The following NAMPT variants were observed in gnomAD, a reference collection of about 807,000 sequenced individuals.
NAMPT encodes the protein NAmPRTase.
NAMPT carries 7 observed loss-of-function variants against 58.7 expected under a neutral mutation model. That is an observed-to-expected ratio of 0.12 (90% confidence interval 0.07 to 0.22). NAMPT has a LOEUF of 0.22. NAMPT is among the 10% of genes least tolerant of loss of function. The pLI is 1.00. For synonymous variants in NAMPT, 145 were observed against 198.1 expected (o/e 0.73, Z 2.25); for missense variants, 271 against 567.9 (o/e 0.48, Z 5.31).
intron 8 of NAMPT, among the ~76,000 whole-genome samples, chr7:106,258,014 G>A (rs529491566): frequency 6.6e-6 from 1 of 152,316 alleles, no homozygotes; most frequent in Non-Finnish European, 1.5e-5. Context: ...AGGGGAAAAC[G>A]GCAATTAGGT....
Position 106,284,867 on chromosome 7 carries a change from T to A in NAMPT, c.18A>T (p.Glu6Asp). 1 of 1,582,450 alleles carries A rather than the reference T, an allele frequency of 6.3e-7. No individual in the cohort carries two copies. The highest frequency in any genetic ancestry group is 2.3e-5 in the East Asian group (1 of 43,376). ...TGGCCAGGAGGATGTTGAACTCGGCTTCTGCCGCAGGATTCATCTCGGGCC... is the reference window on the plus strand; with the variant it reads ...TGGCCAGGAGGATGTTGAACTCGGCATCTGCCGCAGGATTCATCTCGGGCC... MNPAA[E>D]AEFNILLATD... Residue 6 changes from glutamate to aspartate, a missense_variant, in exon 1 of 11, where the codon GAA (glutamate) becomes GAT (aspartate). Around this residue, in one of 4 missense-constraint regions of NAMPT, gnomAD observed 23 missense variants for 16.4 expected, o/e 1.40. Coordinates refer to ENST00000222553, the MANE Select transcript of NAMPT (RefSeq NM_005746.3).
At chr7:106,285,301 G>T (rs1021936553), upstream of NAMPT, 20 of 634,432 alleles carry the variant, frequency 3.2e-5, no homozygotes, top group South Asian at 3.0e-4. Context: ...GCCCCGGCGC[G>T]TGACCCGGGC....
rs1158030616 is a variant in NAMPT at position 106,249,263 on chromosome 7, T to G, written c.*1820A>C. Reference sequence around the variant, plus strand: ...AATGCTTATTGTTCTCACTACATGTTTAAAGAACCATCTGAAAAACATATT... The same window carrying G: ...AATGCTTATTGTTCTCACTACATGTGTAAAGAACCATCTGAAAAACATATT... On this transcript the variant is annotated 3_prime_UTR_variant, in exon 11 of 11. Transcript: ENST00000222553. 1 of 152,508 alleles carries G rather than the reference T, an allele frequency of 6.6e-6. No homozygotes were observed. The highest frequency in any genetic ancestry group is 1.5e-5 in the Non-Finnish European group (1 of 67,968). 9.4% of individuals were successfully genotyped at this position (152,508 alleles called of 1,614,324 possible).
At chr7:106,256,986 G>C (rs1014848541) in intron 8 of NAMPT, among the ~76,000 whole-genome samples, 1 of 151,948 alleles carries the variant, frequency 6.6e-6, no homozygotes, top group South Asian at 2.1e-4. Context: ...GACCAGCCTG[G>C]CTAACATGGT....
At chr7:106,284,288 C>T (rs1328037580) in intron 1 of NAMPT, 3 of 152,044 alleles carry the variant, frequency 2.0e-5, no homozygotes, top group Admixed American at 1.3e-4. Flanking sequence ...CCGCAGAGGA[C>T]CGCGGCTGCT....
intron 1 of NAMPT, 75 bp downstream of exon 1, chr7:106,284,753 G>T (rs1184933300): frequency 6.6e-6 from 1 of 151,070 alleles, no homozygotes; most frequent in Non-Finnish European, 1.1e-5. Context: ...AGCCCCAGCC[G>T]CCCCCGCCCC....
In NAMPT at chr7:106,253,193, T is replaced by A. The variant is rs745796659; in HGVS notation, c.1231-42A>T. ...GAAAGTTAGACAAGTAGAAGACTAA[T>A]CATCAGAAATGTCTAAACACTCCCT... On this transcript the variant is annotated intron_variant, in intron 9 of 10. Coordinates refer to ENST00000222553, the MANE Select transcript of NAMPT (RefSeq NM_005746.3). 2.5e-6 allele frequency: 4 copies of A among 1,597,482 alleles called. No homozygotes were observed. The South Asian group carries it at 4.5e-5, about 18-fold the overall frequency.
At chr7:106,256,194 C>T (rs1206442998) in intron 8 of NAMPT, among the ~76,000 whole-genome samples, 1 of 152,158 alleles carries the variant, frequency 6.6e-6, no homozygotes, top group East Asian at 1.9e-4. Flanking sequence ...AGACTGAATC[C>T]ATAACTGAAA....
At chr7:106,270,191 C>T (rs766598010) in intron 4 of NAMPT, 60 of 298,814 alleles carry the variant, frequency 2.0e-4, no homozygotes, top group Non-Finnish European at 3.9e-4. Context: ...TCACAGCAAC[C>T]GTAATAATTA....
rs1002657793 is a variant in NAMPT at position 106,275,006 on chromosome 7, G to T, written c.258C>A (p.Val86=). Residue 86 remains valine, a synonymous_variant, in exon 3 of 11, where the codon GTC becomes GTA. Transcript: ENST00000222553. ...CATCATCTTGGAAATGTTCTTTGTA[G>T]ACATCTTTGGCTTCCTGGATTTTCT... The part of the protein sequence containing the change: ...TKEKIQEAKD[V]YKEHFQDDVF... 3 of 1,612,256 alleles carry T rather than the reference G, an allele frequency of 1.9e-6. No homozygotes were observed. The Admixed American group carries it at 5.0e-5, about 27-fold the overall frequency.
intron 6 of NAMPT, among the ~76,000 whole-genome samples, chr7:106,264,068 A>G (rs960726756): frequency 1.3e-5 from 2 of 152,138 alleles, no homozygotes; most frequent in African/African-American, 4.8e-5. Context: ...ATATACCAAT[A>G]ATAGTACAGA....
intron 8 of NAMPT, among the ~76,000 whole-genome samples, chr7:106,257,144 CAA>C (rs919905307): frequency 5.1e-5 from 7 of 136,318 alleles, no homozygotes; most frequent in Admixed American, 2.9e-4. Flanking sequence ...AACTCCATCT[CAA>C]AAAAAAAAAA....
At chr7:106,263,285 G>T in intron 7 of NAMPT, 107 bp downstream of exon 7, 1 of 777,244 alleles carries the variant, frequency 1.3e-6, no homozygotes, top group Non-Finnish European at 2.1e-6. Context: ...AAATAAAGGG[G>T]ACTGGTCCAC....
chr7:106,258,945 G>A (rs1283350306), intron 8 of NAMPT, among the ~76,000 whole-genome samples: 1 of 152,156 alleles, frequency 6.6e-6, no homozygotes, highest in African/African-American at 2.4e-5. Context: ...TGTAGCTTGC[G>A]ATGCTGTTTG....
intron 1 of NAMPT, among the ~76,000 whole-genome samples, chr7:106,282,801 A>G (rs1278519918): frequency 6.6e-6 from 1 of 152,204 alleles, no homozygotes; most frequent in East Asian, 1.9e-4. Context: ...CTCTTCATCA[A>G]CACATCTGAA....
intron 8 of NAMPT, 115 bp downstream of exon 8, chr7:106,261,473 C>T: frequency 5.9e-6 from 5 of 853,426 alleles, no homozygotes; most frequent in Non-Finnish European, 7.1e-6. Context: ...AGATTTATAC[C>T]AACATAAACA....
chr7:106,251,217 T>C lies in NAMPT; in HGVS notation c.1366-24A>G, dbSNP rs554917572. The C allele has an allele frequency of 1.3e-4, 181 of 1,444,924 alleles. 2 individuals carry two copies. In the South Asian group the frequency reaches 2.0e-3, roughly 16 times the overall value. 89.5% of individuals were successfully genotyped at this position (1,444,924 alleles called of 1,614,324 possible). A position where few individuals can be genotyped will look rare whatever the true frequency, so the allele number is the denominator to read the frequency against. ...TCCTGCATAAATGGAAATTTCATGA[T>C]TATATTACATTATTAAGCAAAATAC... On this transcript the variant is annotated intron_variant, in intron 10 of 10. Transcript: ENST00000222553.
intron 7 of NAMPT, among the ~76,000 whole-genome samples, chr7:106,262,060 C>T (rs1792313270): frequency 6.6e-6 from 1 of 151,954 alleles, no homozygotes; most frequent in Non-Finnish European, 1.5e-5. Context: ...ATTTAACAAA[C>T]TCATGATTAT....
chr7:106,285,146 T>A, upstream of NAMPT: 3 of 1,268,996 alleles, frequency 2.4e-6, no homozygotes, highest in Non-Finnish European at 3.0e-6. Flanking sequence ...TCCCCCGCCT[T>A]CACCCCGTCA....
Sources: allele counts gnomAD v4.1 joint callset (sites outside exome capture counted in the v4.1 genomes callset), GRCh38; gene constraint gnomAD v4.1.1; regional missense constraint gnomAD v4.1.1; transcripts MANE v1.5; gene names NCBI Gene and HGNC (gene_info 2026-07-23, HGNC 2026-07-21).